Variants in NTN1 observed in about 807,000 individuals in gnomAD.
The protein encoded by NTN1 is netrin 1.
A neutral mutation model predicts 54.2 loss-of-function variants in NTN1; 11 were observed. The observed-to-expected ratio is 0.20, with a 90% CI of 0.13 to 0.34. NTN1 has a LOEUF of 0.34. NTN1 is among the 10% of genes least tolerant of loss of function. NTN1 has a pLI of 1.00. For missense variants in NTN1, 740 were observed against 893.1 expected, an observed-to-expected ratio of 0.83 and a Z score of 2.18; for synonymous variants, 371 against 382.0, an observed-to-expected ratio of 0.97 and a Z score of 0.33.
intron 5 of NTN1, among the ~76,000 whole-genome samples, chr17:9,205,876 C>T (rs777219817): frequency 6.6e-6 from 1 of 152,260 alleles, no homozygotes; most frequent in Non-Finnish European, 1.5e-5. Flanking sequence ...CTGCCTCTTC[C>T]TATGTGGCTG....
chr17:9,091,680 C>T (rs1040880384), intron 2 of NTN1, among the ~76,000 whole-genome samples: 3 of 151,610 alleles, frequency 2.0e-5, no homozygotes, highest in Non-Finnish European at 4.4e-5. Context: ...CTCGAACTCC[C>T]GACCTCAGGT....
At position 9,022,840 on chromosome 17, in the gene NTN1, C is replaced by T; in HGVS notation, c.467C>T (p.Pro156Leu). Residue 156 changes from proline (P) to leucine (L), a missense_variant, in exon 2 of 7, where the codon CCC (proline) becomes CTC (leucine). Pro to Leu is a moderately conservative substitution (Grantham distance 98). Transcript: ENST00000173229. ...AGCCTGCAGTTCTGCTCGCCGCGGC[C>T]CGAGTCCATGGCCATCTACAAGTCC... is the stretch of plus-strand genomic sequence containing the variant. Reference protein sequence around the residue: ...YVSLQFCSPRPESMAIYKSMD... With the variant: ...YVSLQFCSPRLESMAIYKSMD... 1 of 1,611,270 alleles carries T rather than the reference C, an allele frequency of 6.2e-7. No homozygotes were observed.
intron 5 of NTN1, among the ~76,000 whole-genome samples, chr17:9,206,560 C>T (rs3826476): frequency 0.04 from 6,069 of 152,164 alleles, 226 homozygotes; most frequent in East Asian, 0.16. Flanking sequence ...CGTGCCTCTC[C>T]GTGCCTTCCC....
intron 6 of NTN1, among the ~76,000 whole-genome samples, chr17:9,228,794 T>C (rs1905685030): frequency 6.6e-6 from 1 of 150,664 alleles, no homozygotes; most frequent in African/African-American, 2.5e-5. Flanking sequence ...TGTTGGCATC[T>C]GTGGGGAGAA....
In NTN1 at chr17:9,040,772, T is replaced by A. The variant is rs956335955; in HGVS notation, c.1018+17381T>A. On this transcript the variant is annotated intron_variant, in intron 2 of 6. Transcript: ENST00000173229. ...CAATGGAGAGACCTCTATTCCTGACTTACTGGGAGGGTTGCTCTTTCTTAC... is the reference window on the plus strand; with the variant it reads ...CAATGGAGAGACCTCTATTCCTGACATACTGGGAGGGTTGCTCTTTCTTAC... Among the ~76,000 whole-genome samples the A allele has an allele frequency of 5.3e-5, 8 of 152,092 alleles. 1 individual carries two copies. The East Asian group carries it at 1.5e-3, about 29-fold the overall frequency.
intron 2 of NTN1, among the ~76,000 whole-genome samples, chr17:9,124,363 C>T (rs1219575975): frequency 6.6e-6 from 1 of 152,194 alleles, no homozygotes; most frequent in African/African-American, 2.4e-5. Flanking sequence ...ACAGACATGT[C>T]GTGGTGTGCC....
At chr17:9,024,864 A>T (rs868555243) in intron 2 of NTN1, among the ~76,000 whole-genome samples, 1 of 152,222 alleles carries the variant, frequency 6.6e-6, no homozygotes, top group Non-Finnish European at 1.5e-5. Context: ...AGAGAGAGAG[A>T]GTGTAGTTAC....
At chr17:9,227,789 T>C (rs889284771) in intron 6 of NTN1, among the ~76,000 whole-genome samples, 2 of 147,170 alleles carry the variant, frequency 1.4e-5, no homozygotes, top group African/African-American at 2.5e-5. Flanking sequence ...ACCACACACA[T>C]ATCACACACA....
chr17:9,112,775 G>T (rs1231176208), intron 2 of NTN1, among the ~76,000 whole-genome samples: 1 of 135,604 alleles, frequency 7.4e-6, no homozygotes, highest in Non-Finnish European at 1.6e-5. Flanking sequence ...GCAGTGAGCC[G>T]AGATCGCGCC....
At chr17:9,048,489 T>C (rs943513773) in intron 2 of NTN1, among the ~76,000 whole-genome samples, 10 of 152,088 alleles carry the variant, frequency 6.6e-5, no homozygotes, top group Non-Finnish European at 4.4e-5. Context: ...GAATAGTAAA[T>C]GAGCATTGGC....
the NTN1 span, among the ~76,000 whole-genome samples, chr17:9,014,431 T>G: frequency 6.6e-6 from 1 of 152,192 alleles, no homozygotes; most frequent in Admixed American, 6.5e-5. Context: ...CCAGGGTCTT[T>G]CCTTTCAGAT....
intron 1 of NTN1, among the ~76,000 whole-genome samples, chr17:9,021,898 CG>C (rs1324038982): frequency 3.9e-5 from 6 of 152,172 alleles, no homozygotes; most frequent in Admixed American, 3.9e-4. Flanking sequence ...GACTTTCCGG[CG>C]GGGACGCGAT....
intron 5 of NTN1, among the ~76,000 whole-genome samples, chr17:9,200,705 A>G (rs776880591): frequency 6.6e-6 from 1 of 152,160 alleles, no homozygotes; most frequent in Non-Finnish European, 1.5e-5. Context: ...TTTTCTCTTC[A>G]TTCATTCATC....
At chr17:9,106,225 G>A (rs534004712) in intron 2 of NTN1, among the ~76,000 whole-genome samples, 2 of 152,310 alleles carry the variant, frequency 1.3e-5, no homozygotes, top group South Asian at 2.1e-4. Context: ...TGCCTTGCGG[G>A]TGAGATGGAG....
intron 3 of NTN1, chr17:9,176,258 A>G (rs562046637): frequency 1.3e-5 from 2 of 152,574 alleles, no homozygotes; most frequent in Admixed American, 1.3e-4. Context: ...TTTGTAGATA[A>G]GAATCCGTGT....
At chr17:9,179,630 G>A (rs1034724507) in intron 3 of NTN1, among the ~76,000 whole-genome samples, 177 bp from the exon 4 acceptor site, 1 of 152,198 alleles carries the variant, frequency 6.6e-6, no homozygotes, top group Non-Finnish European at 1.5e-5. Flanking sequence ...TTCCAGGTAG[G>A]TGGGTGGCCA....
At chr17:9,114,166 A>AAAAAAAAT (rs1555569108) in intron 2 of NTN1, among the ~76,000 whole-genome samples, 1 of 74,622 alleles carries the variant, frequency 1.3e-5, no homozygotes, top group African/African-American at 5.8e-5. Context: ...AAAAAAAAAA[A>AAAAAAAAT]ATATATATAT....
At chr17:9,123,124 T>C (rs1369531334) in intron 2 of NTN1, among the ~76,000 whole-genome samples, 2 of 152,218 alleles carry the variant, frequency 1.3e-5, no homozygotes, top group African/African-American at 4.8e-5. Context: ...GTTTGTATCT[T>C]GCTCTCCCCC....
intron 2 of NTN1, among the ~76,000 whole-genome samples, chr17:9,129,528 A>G (rs1251710702): frequency 6.6e-6 from 1 of 152,170 alleles, no homozygotes; most frequent in East Asian, 1.9e-4. Flanking sequence ...CATCCCATCA[A>G]AAGTTCTGTT....
Sources: allele counts gnomAD v4.1 joint callset (sites outside exome capture counted in the v4.1 genomes callset), GRCh38; gene constraint gnomAD v4.1.1; transcripts MANE v1.5; gene names NCBI Gene and HGNC (gene_info 2026-07-23, HGNC 2026-07-21).